Variants in WWP2 observed in about 807,000 individuals in gnomAD.
WWP2 encodes NEDD4-like E3 ubiquitin-protein ligase WWP2.
WWP2 carries 57 observed loss-of-function variants against 121.0 expected under a neutral mutation model. That is an observed-to-expected ratio of 0.47 (90% CI 0.38 to 0.59). The LOEUF (loss-of-function observed/expected upper bound fraction) is 0.59. Among genes scored for constraint, WWP2 ranks in the 20% least tolerant of loss-of-function variants. The pLI is 0.00. For missense variants in WWP2, 962 were observed against 1,158.9 expected, an observed-to-expected ratio of 0.83 and a Z score of 2.47; for synonymous variants, 449 against 441.3, an observed-to-expected ratio of 1.02 and a Z score of -0.22.
intron 1 of WWP2, among the ~76,000 whole-genome samples, chr16:69,784,091 C>CTTTTTTTTTTTTTTTTTTTTTT (rs61650147): frequency 9.9e-5 from 6 of 60,870 alleles, no homozygotes; most frequent in South Asian, 7.2e-4. Flanking sequence ...TTCTTTCTTT[C>CTTTTTTTTTTTTTTTTTTTTTT]TTTTTTTTTT....
chr16:69,886,255 A>G (rs1198548873), intron 7 of WWP2, among the ~76,000 whole-genome samples: 1 of 152,080 alleles, frequency 6.6e-6, no homozygotes, highest in East Asian at 1.9e-4. Context: ...ACTCTTTTAA[A>G]TTATTTGTAG....
intron 4 of WWP2, among the ~76,000 whole-genome samples, chr16:69,801,565 C>G (rs944416594): frequency 6.6e-6 from 1 of 152,020 alleles, no homozygotes; most frequent in Non-Finnish European, 1.5e-5. Flanking sequence ...GAGATGGGAT[C>G]TCCCTATATT....
At chr16:69,877,606 T>C (rs1341362413) in intron 7 of WWP2, among the ~76,000 whole-genome samples, 1 of 152,134 alleles carries the variant, frequency 6.6e-6, no homozygotes, top group Non-Finnish European at 1.5e-5. Flanking sequence ...AGCTTTGGCC[T>C]GTCTTGGCTT....
At chr16:69,867,679 C>G (rs1044527665) in intron 6 of WWP2, among the ~76,000 whole-genome samples, 1 of 152,144 alleles carries the variant, frequency 6.6e-6, no homozygotes, top group Non-Finnish European at 1.5e-5. Flanking sequence ...GAGAGAGGAC[C>G]TTGAGTGAGG....
chr16:69,887,878 T>C (rs1239204339), intron 7 of WWP2, among the ~76,000 whole-genome samples, 161 bp from the exon 8 acceptor site: 2 of 152,250 alleles, frequency 1.3e-5, no homozygotes, highest in Non-Finnish European at 2.9e-5. Flanking sequence ...TGACTTGCTG[T>C]ACTTTTCAAA....
chr16:69,913,916 T>G (rs1272970718), intron 9 of WWP2, among the ~76,000 whole-genome samples: 3 of 150,192 alleles, frequency 2.0e-5, no homozygotes, highest in South Asian at 4.2e-4. Context: ...ACTAAAAATA[T>G]AAAAAATTAG....
intron 4 of WWP2, among the ~76,000 whole-genome samples, chr16:69,816,752 CGTATACATATACACAT>C (rs763479470): frequency 1.3e-5 from 2 of 151,982 alleles, no homozygotes; most frequent in Non-Finnish European, 2.9e-5. Flanking sequence ...CATATACACA[CGTATACATATACACAT>C]ACACACATAC....
intron 1 of WWP2, among the ~76,000 whole-genome samples, chr16:69,771,246 A>G (rs1407548566): frequency 1.3e-5 from 2 of 152,046 alleles, no homozygotes; most frequent in African/African-American, 4.8e-5. Context: ...AAGTTCTGTA[A>G]TAATTATTAT....
At chr16:69,939,254 C>T (rs773420173) in intron 22 of WWP2, 87 bp from the exon 23 acceptor site, 234 of 1,580,534 alleles carry the variant, frequency 1.5e-4, no homozygotes, top group Non-Finnish European at 1.8e-4. Context: ...ATCCTGGGGC[C>T]GAGCCCATCT....
intron 10 of WWP2, among the ~76,000 whole-genome samples, chr16:69,920,338 G>C (rs1162927970): frequency 6.6e-6 from 1 of 152,078 alleles, no homozygotes; most frequent in Non-Finnish European, 1.5e-5. Context: ...CACTTTCTTG[G>C]GCTAGGCTTC....
chr16:69,813,067 C>T (rs530703006), intron 4 of WWP2, among the ~76,000 whole-genome samples: 2 of 151,786 alleles, frequency 1.3e-5, no homozygotes, highest in East Asian at 1.9e-4. Context: ...AAGGGCTTTC[C>T]GTTTTCATGT....
At chr16:69,814,012 A>C (rs917252406) in intron 4 of WWP2, among the ~76,000 whole-genome samples, 1 of 152,198 alleles carries the variant, frequency 6.6e-6, no homozygotes, top group African/African-American at 2.4e-5. Context: ...GGCCAGTGGC[A>C]CAAGCATCTC....
At chr16:69,930,706 T>G (rs2058698095) in intron 13 of WWP2, among the ~76,000 whole-genome samples, 1 of 151,938 alleles carries the variant, frequency 6.6e-6, no homozygotes, top group African/African-American at 2.4e-5. Context: ...TTCTAAAAAA[T>G]AATAATACAT....
chr16:69,907,963 G>A lies in WWP2; in HGVS notation c.915-798G>A, dbSNP rs558821782. Among the ~76,000 whole-genome samples, 33 of 152,314 alleles carry A rather than the reference G, an allele frequency of 2.2e-4. No homozygotes were observed. The South Asian group carries it at 4.6e-3, about 21-fold the overall frequency. ...GTCATAGAACCTGTGACTTTAAGCC[G>A]GGTGCGGTGGCTCACTCCTGTAATC... On this transcript the variant is annotated intron_variant, in intron 8 of 23. Coordinates refer to ENST00000359154, the MANE Select transcript of WWP2 (RefSeq NM_001270454.2).
chr16:69,900,054 G>A (rs957212349), intron 8 of WWP2, among the ~76,000 whole-genome samples: 1 of 152,132 alleles, frequency 6.6e-6, no homozygotes, highest in African/African-American at 2.4e-5. Context: ...GGGTGTTTAG[G>A]TTGCTTCCAG....
intron 18 of WWP2, 59 bp from the exon 19 acceptor site, chr16:69,936,253 G>C: frequency 6.2e-7 from 1 of 1,609,138 alleles, no homozygotes; most frequent in Admixed American, 1.7e-5. Flanking sequence ...AACAGAGCAG[G>C]ATCCAGGAAA....
chr16:69,845,298 C>G (rs977094472), intron 6 of WWP2, among the ~76,000 whole-genome samples: 17 of 152,158 alleles, frequency 1.1e-4, no homozygotes, highest in Non-Finnish European at 1.8e-4. Flanking sequence ...ATGCCTACCC[C>G]CCTTCCCTGC....
intron 2 of WWP2, among the ~76,000 whole-genome samples, chr16:69,798,068 G>C (rs1210489468): frequency 6.6e-6 from 1 of 152,136 alleles, no homozygotes; most frequent in Non-Finnish European, 1.5e-5. Flanking sequence ...TTTGCAAAAA[G>C]TGAACAAGCA....
At chr16:69,865,632 A>G (rs768720990) in intron 6 of WWP2, among the ~76,000 whole-genome samples, 2 of 152,236 alleles carry the variant, frequency 1.3e-5, no homozygotes, top group Non-Finnish European at 2.9e-5. Context: ...CTAAGTTTAC[A>G]TATTTATCAG....
Sources: allele counts gnomAD v4.1 joint callset (sites outside exome capture counted in the v4.1 genomes callset), GRCh38; gene constraint gnomAD v4.1.1; transcripts MANE v1.5; gene names NCBI Gene and HGNC (gene_info 2026-07-23, HGNC 2026-07-21).